Variants in MAP4K5 observed in about 807,000 individuals in gnomAD.
MAP4K5 encodes the protein mitogen-activated protein kinase kinase kinase kinase 5.
A neutral mutation model predicts 135.6 loss-of-function variants in MAP4K5; 82 were observed. That is an observed-to-expected ratio of 0.60 (90% CI 0.51 to 0.73). MAP4K5 has a LOEUF of 0.73. Among genes scored for constraint, MAP4K5 ranks in the 30% least tolerant of loss-of-function variants. MAP4K5 has a pLI of 0.00. For missense variants in MAP4K5, 907 were observed against 1,010.9 expected, an observed-to-expected ratio of 0.90 and a Z score of 1.39; for synonymous variants, 347 against 335.0, an observed-to-expected ratio of 1.04 and a Z score of -0.39.
At chr14:50,499,087 C>G (rs1299238068) in intron 3 of MAP4K5, among the ~76,000 whole-genome samples, 1 of 150,608 alleles carries the variant, frequency 6.6e-6, no homozygotes, top group East Asian at 1.9e-4. Flanking sequence ...GCTTTACTGA[C>G]AATGCTAAAA....
chr14:50,488,890 G>GA (rs1370016527), intron 3 of MAP4K5, among the ~76,000 whole-genome samples: 1 of 152,162 alleles, frequency 6.6e-6, no homozygotes, highest in Non-Finnish European at 1.5e-5. Context: ...TCTGTGAACT[G>GA]AAATTGTATC....
At chr14:50,457,085 A>G (rs2036608042) in intron 13 of MAP4K5, among the ~76,000 whole-genome samples, 1 of 152,186 alleles carries the variant, frequency 6.6e-6, no homozygotes, top group South Asian at 2.1e-4. Context: ...GTAAGAAATA[A>G]CAGGAAATTG....
intron 2 of MAP4K5, among the ~76,000 whole-genome samples, chr14:50,539,207 T>G (rs555313032): frequency 8.5e-5 from 13 of 152,324 alleles, no homozygotes; most frequent in African/African-American, 3.1e-4. Context: ...GGCATCACAA[T>G]TACTCAAACT....
intron 2 of MAP4K5, among the ~76,000 whole-genome samples, chr14:50,539,347 G>C (rs2038533254): frequency 6.6e-6 from 1 of 152,216 alleles, no homozygotes; most frequent in Non-Finnish European, 1.5e-5. Context: ...GACTGCTTCT[G>C]TGAGAGTACA....
intron 2 of MAP4K5, among the ~76,000 whole-genome samples, chr14:50,515,124 G>T (rs1004421773): frequency 6.6e-6 from 1 of 151,906 alleles, no homozygotes; most frequent in Non-Finnish European, 1.5e-5. Context: ...GGATGGTCTC[G>T]ATCTCCTGAC....
chr14:50,432,905 T>C (rs571910753), intron 28 of MAP4K5, among the ~76,000 whole-genome samples: 2 of 152,348 alleles, frequency 1.3e-5, no homozygotes, highest in South Asian at 2.1e-4. Flanking sequence ...TGGTGCGATC[T>C]TGGCTCACTG....
chr14:50,486,898 T>C (rs1417755548), intron 3 of MAP4K5, among the ~76,000 whole-genome samples: 1 of 152,162 alleles, frequency 6.6e-6, no homozygotes, highest in Admixed American at 6.5e-5. Flanking sequence ...AGTTCAGTGG[T>C]GTCCAGACAG....
chr14:50,544,652 G>T (rs2038605148), intron 1 of MAP4K5, among the ~76,000 whole-genome samples: 2 of 152,126 alleles, frequency 1.3e-5, no homozygotes, highest in Non-Finnish European at 1.5e-5. Flanking sequence ...AAATAAGGTG[G>T]CTGGGCGATG....
chr14:50,520,127 G>A (rs887057035), intron 2 of MAP4K5, among the ~76,000 whole-genome samples: 1 of 152,170 alleles, frequency 6.6e-6, no homozygotes, highest in African/African-American at 2.4e-5. Context: ...GACTTTGGGA[G>A]GCCGAGGCGG....
intron 5 of MAP4K5, 94 bp from the exon 6 acceptor site, chr14:50,482,510 G>A (rs1426106629): frequency 2.2e-5 from 18 of 805,146 alleles, no homozygotes; most frequent in Non-Finnish European, 3.5e-5. Flanking sequence ...CAAGCGCAGT[G>A]GCTCACGCCT....
At chr14:50,537,216 G>A (rs1010205088), upstream of MAP4K5, among the ~76,000 whole-genome samples, 1 of 152,182 alleles carries the variant, frequency 6.6e-6, no homozygotes, top group African/African-American at 2.4e-5. Context: ...ACATAGAGCT[G>A]GGGCCGTGGC....
In MAP4K5 at chr14:50,485,603, G is replaced by T; in HGVS notation, c.297C>A (p.Gly99=). ...KLWICMEYCG[G]GSLQDIYHVT... is the part of the protein sequence containing the mutation. ...CATGGTAAATATCTTGAAGTGATCC[G>T]CCACCACAGTATTCCATACAAATCC... is the stretch of plus-strand genomic sequence containing the variant. The change falls in exon 5 of 33, where the codon GGC becomes GGA. Residue 99 remains glycine, a synonymous_variant. Coordinates refer to ENST00000682126, the MANE Select transcript of MAP4K5 (RefSeq NM_006575.6). 6.4e-7 allele frequency: 1 copy of T among 1,550,410 alleles called. No homozygotes were observed.
intron 1 of MAP4K5, among the ~76,000 whole-genome samples, chr14:50,547,911 C>T (rs939663617): frequency 1.3e-5 from 2 of 152,222 alleles, no homozygotes; most frequent in Non-Finnish European, 2.9e-5. Flanking sequence ...CACAACCCCA[C>T]CATCTATCAC....
chr14:50,535,795 G>GT (rs1439464837), upstream of MAP4K5, among the ~76,000 whole-genome samples: 1 of 152,182 alleles, frequency 6.6e-6, no homozygotes, highest in Non-Finnish European at 1.5e-5. Flanking sequence ...CATCAGATAT[G>GT]TTACTGATAT....
rs1413404103 is a variant in MAP4K5, at chr14:50,531,824, T to C, written c.108+118A>G. ...CGAGTAAAAGGGACCCCGGCCGCTT[T>C]CTCCCCAAGAGGCAACAATAAAAGC... is the stretch of plus-strand genomic sequence containing the variant. On this transcript the variant is annotated intron_variant, in intron 2 of 32. Coordinates refer to ENST00000682126, the MANE Select transcript of MAP4K5 (RefSeq NM_006575.6). The C allele has an allele frequency of 1.8e-5, 14 of 797,260 alleles. No homozygotes were observed. In the African/African-American group the frequency reaches 2.4e-4, roughly 14 times the overall value. 49.4% of individuals were successfully genotyped at this position (797,260 alleles called of 1,614,324 possible).
chr14:50,458,010 CA>C (rs2036628134), intron 13 of MAP4K5, among the ~76,000 whole-genome samples: 1 of 152,178 alleles, frequency 6.6e-6, no homozygotes, highest in Non-Finnish European at 1.5e-5. Context: ...AGGAAAATTA[CA>C]CAGCAGAACA....
chr14:50,500,932 A>G (rs1207393425), intron 3 of MAP4K5, among the ~76,000 whole-genome samples: 1 of 152,222 alleles, frequency 6.6e-6, no homozygotes, highest in Non-Finnish European at 1.5e-5. Flanking sequence ...CTAATACGGG[A>G]AAATCTTTTT....
chr14:50,531,364 A>G (rs1176815008), intron 2 of MAP4K5, among the ~76,000 whole-genome samples: 2 of 152,248 alleles, frequency 1.3e-5, no homozygotes, highest in Non-Finnish European at 2.9e-5. Flanking sequence ...CCAGCAAGTT[A>G]ATATCACATT....
At chr14:50,488,186 T>A (rs1275077625) in intron 3 of MAP4K5, among the ~76,000 whole-genome samples, 1 of 151,704 alleles carries the variant, frequency 6.6e-6, no homozygotes. Flanking sequence ...GGTGAGAGAG[T>A]GTGTGTGTTA....
Sources: gnomAD v4.1 joint callset for allele counts (sites outside exome capture counted in the v4.1 genomes callset) on GRCh38, gnomAD v4.1.1 for gene constraint, MANE v1.5 for transcripts, NCBI Gene and HGNC (gene_info 2026-07-23, HGNC 2026-07-21) for gene names.